KDM7A: variants seen among roughly 807,000 people sequenced by gnomAD.
KDM7A encodes the protein lysine demethylase 7A.
KDM7A carries 28 observed loss-of-function variants against 114.8 expected under a neutral mutation model. The ratio of observed to expected loss-of-function variants is 0.24; its 90% CI spans 0.18 to 0.33. KDM7A has a LOEUF of 0.33. Ranked by LOEUF, KDM7A falls within the 10% of genes least tolerant of loss-of-function variation. KDM7A has a pLI of 1.00. For missense variants in KDM7A, 942 were observed against 1,142.5 expected, an observed-to-expected ratio of 0.82 and a Z score of 2.53; for synonymous variants, 423 against 397.8, an observed-to-expected ratio of 1.06 and a Z score of -0.75.
chr7:140,154,690 G>A (rs1205018514), intron 1 of KDM7A, among the ~76,000 whole-genome samples: 1 of 151,834 alleles, frequency 6.6e-6, no homozygotes, highest in African/African-American at 2.4e-5. Context: ...CCATGATGGG[G>A]ATCAAGCATA....
At chr7:140,136,460 A>G (rs897809676) in intron 2 of KDM7A, among the ~76,000 whole-genome samples, 5 of 152,202 alleles carry the variant, frequency 3.3e-5, no homozygotes, top group African/African-American at 4.8e-5. Flanking sequence ...CAGTGAAGGA[A>G]TATTTTAGTA....
At chr7:140,155,272 G>A (rs1400825650) in intron 1 of KDM7A, among the ~76,000 whole-genome samples, 4 of 152,078 alleles carry the variant, frequency 2.6e-5, no homozygotes, top group Middle Eastern at 3.2e-3. Context: ...TACATAAGAA[G>A]CAAGATATAA....
At chr7:140,109,085 C>T (rs1220079557) in intron 11 of KDM7A, among the ~76,000 whole-genome samples, 2 of 152,124 alleles carry the variant, frequency 1.3e-5, no homozygotes, top group African/African-American at 2.4e-5. Flanking sequence ...CAGGATATAA[C>T]GTCCTGATGT....
intron 3 of KDM7A, among the ~76,000 whole-genome samples, chr7:140,131,338 TCTACAGCTG>T (rs1476582792): frequency 6.6e-6 from 1 of 152,180 alleles, no homozygotes. Flanking sequence ...TCCCAATTGC[TCTACAGCTG>T]CTACACATTC....
At chr7:140,116,885 TCACTGACATGAAA>T in intron 9 of KDM7A, among the ~76,000 whole-genome samples, 1 of 152,206 alleles carries the variant, frequency 6.6e-6, no homozygotes, top group East Asian at 1.9e-4. Context: ...TGTTTTACTA[TCACTGACATGAAA>T]CACAGTAAAG....
Position 140,176,858 on chromosome 7 carries a change from C to G in KDM7A, c.80G>C (p.Gly27Ala), listed in dbSNP as rs772307138. ...GGGCGGCGGAGGCGCCGAGGCCCGGCCGGGAGCCGCCACCGACACGGCTGC... is the reference window on the plus strand; with the variant it reads ...GGGCGGCGGAGGCGCCGAGGCCCGGGCGGGAGCCGCCACCGACACGGCTGC... ...AAAAVSVAAP[G>A]RASAPPPPPP... Residue 27 changes from glycine (G) to alanine (A), a missense_variant, in exon 1 of 20, where the codon GGC becomes GCC. Transcript: ENST00000397560. This position sits in a 1 kb window ranked among gnomAD's most constrained non-coding sequence, Gnocchi z 4.4. 2 of 1,280,584 alleles carry G rather than the reference C, an allele frequency of 1.6e-6. No homozygotes were observed. The highest frequency in any genetic ancestry group is 4.4e-5 in the South Asian group (2 of 45,292). The allele number at this position is 1,280,584 out of a possible 1,614,324, so 79.3% of individuals were successfully genotyped here.
At chr7:140,158,357 T>A (rs1462988811) in intron 1 of KDM7A, among the ~76,000 whole-genome samples, 1 of 152,102 alleles carries the variant, frequency 6.6e-6, no homozygotes, top group Non-Finnish European at 1.5e-5. Context: ...CCAGTAGTAG[T>A]GAGATTCTGA....
In KDM7A at chr7:140,139,168, G is replaced by C. The variant is rs200294579; in HGVS notation, c.217C>G (p.His73Asp). 6.4e-5 allele frequency: 103 copies of C among 1,613,068 alleles called. No homozygotes were observed. Among genetic ancestry groups the C allele is most frequent in the African/African-American group, 5.3e-5 (4 of 74,888 alleles). Residue 73 changes from histidine to aspartate, a missense_variant, in exon 2 of 20, where the codon CAT (histidine) becomes GAT (aspartate). Around this residue, in one of 4 missense-constraint regions of KDM7A, gnomAD observed 318 missense variants for 453.1 expected, o/e 0.70. Coordinates refer to ENST00000397560, the MANE Select transcript of KDM7A (RefSeq NM_030647.2). ...HGSCVGVEEH[H>D]AVDIDLYHCP... Reference sequence around the variant, plus strand: ...TGATACAGGTCAATGTCAACAGCATGATGTTCTTCTACTCCAACACAGCTA... The same window carrying C: ...TGATACAGGTCAATGTCAACAGCATCATGTTCTTCTACTCCAACACAGCTA...
intron 1 of KDM7A, among the ~76,000 whole-genome samples, chr7:140,142,653 C>T (rs574542652): frequency 6.6e-6 from 1 of 152,250 alleles, no homozygotes; most frequent in South Asian, 2.1e-4. Context: ...GAACTTTAAA[C>T]TGATAGTCTG....
At chr7:140,167,558 A>AT (rs1794592572) in intron 1 of KDM7A, among the ~76,000 whole-genome samples, 1 of 152,154 alleles carries the variant, frequency 6.6e-6, no homozygotes, top group South Asian at 2.1e-4. Context: ...CAACTGGACA[A>AT]TTTCTTTTTA....
intron 1 of KDM7A, among the ~76,000 whole-genome samples, chr7:140,169,019 A>G (rs1455568277): frequency 6.6e-6 from 1 of 152,202 alleles, no homozygotes; most frequent in East Asian, 1.9e-4. Flanking sequence ...GTGTGCAATT[A>G]GTGTATTTCC....
At chr7:140,095,551 G>T in intron 17 of KDM7A, 1 of 204,994 alleles carries the variant, frequency 4.9e-6, no homozygotes. Context: ...CTGTAAAATG[G>T]GAGTGATTTT....
rs1277244687 is a variant in KDM7A at position 140,096,616 on chromosome 7, G to A, written c.2313C>T (p.Ser771=). 6.2e-7 allele frequency: 1 copy of A among 1,614,162 alleles called. No individual in the cohort carries two copies. Among genetic ancestry groups the A allele is most frequent in the Non-Finnish European group, 8.5e-7 (1 of 1,180,012 alleles). ...TAACCTCATGGTTACTGCCATGGCA[G>A]CTGCTGGGATCCTGGAGAGAGTTTC... is the stretch of plus-strand genomic sequence containing the variant. ...GERNSLQDPS[S]CHGSNHEVRQ... Residue 771 remains serine, a synonymous_variant, in exon 17 of 20, where the codon AGC becomes AGT. Transcript: ENST00000397560.
At chr7:140,094,268 G>A in intron 17 of KDM7A, 130 bp from the exon 18 acceptor site, 1 of 674,772 alleles carries the variant, frequency 1.5e-6, no homozygotes, top group Non-Finnish European at 2.7e-6. Context: ...ACTTTGGGAG[G>A]CCAAGGCAGG....
chr7:140,152,406 C>T (rs1794410134), intron 1 of KDM7A, among the ~76,000 whole-genome samples: 2 of 152,160 alleles, frequency 1.3e-5, no homozygotes, highest in Non-Finnish European at 2.9e-5. Flanking sequence ...GGATGGATTG[C>T]TTGAGGCCAG....
At chr7:140,100,663 TATATATATATATATATACATATATAC>T (rs1562945818) in intron 12 of KDM7A, among the ~76,000 whole-genome samples, 4 of 38,286 alleles carry the variant, frequency 1.0e-4, no homozygotes, top group East Asian at 6.6e-4. Context: ...TAAAAAGTTA[TATATATATATATATATACATATATAC>T]ATATATATAT....
intron 5 of KDM7A, among the ~76,000 whole-genome samples, chr7:140,127,079 CCT>C (rs1289564595): frequency 6.6e-6 from 1 of 152,176 alleles, no homozygotes; most frequent in Non-Finnish European, 1.5e-5. Flanking sequence ...CGTGCCTCAG[CCT>C]CTCTGAGTAG....
rs982095412 is a variant in KDM7A at position 140,086,902 on chromosome 7, T to A, written c.*4192A>T. 6.6e-6 allele frequency: 1 copy of A among 152,014 alleles called. No homozygotes were observed. Among genetic ancestry groups the A allele is most frequent in the Non-Finnish European group, 1.5e-5 (1 of 67,986 alleles). 9.4% of individuals were successfully genotyped at this position (152,014 alleles called of 1,614,324 possible). ...AGCTTCTCTTTATGTGGCGAGCAAT[T>A]AACAATATTTAATGAGAAAAATGAA... On this transcript the variant is annotated 3_prime_UTR_variant, in exon 20 of 20. Transcript: ENST00000397560.
chr7:140,127,050 T>G (rs547230136), intron 5 of KDM7A, among the ~76,000 whole-genome samples: 1 of 152,204 alleles, frequency 6.6e-6, no homozygotes, highest in Admixed American at 6.5e-5. Context: ...AACTCCATCC[T>G]GCCGGGTTCG....
Sources: gnomAD v4.1 joint callset for allele counts (sites outside exome capture counted in the v4.1 genomes callset) on GRCh38, gnomAD v4.1.1 for gene constraint, gnomAD v4.1.1 regional missense constraint, Gnocchi (gnomAD v3.1) non-coding constraint, MANE v1.5 for transcripts, NCBI Gene and HGNC (gene_info 2026-07-23, HGNC 2026-07-21) for gene names.